The following FRMPD1 variants were observed in gnomAD, a reference collection of about 807,000 sequenced individuals.
FRMPD1 encodes the protein FERM and PDZ domain containing 1.
In FRMPD1, 76 loss-of-function variants were observed where a neutral mutation model predicts 117.8. The observed-to-expected ratio is 0.65, with a 90% CI of 0.54 to 0.78. FRMPD1 has a LOEUF of 0.78. Among genes scored for constraint, FRMPD1 ranks in the 30% least tolerant of loss-of-function variants. FRMPD1 has a pLI of 0.00. For missense variants in FRMPD1, 1,786 were observed against 1,964.5 expected (o/e 0.91, Z 1.72); for synonymous variants, 783 against 770.4 (o/e 1.02, Z -0.27).
intron 1 of FRMPD1, among the ~76,000 whole-genome samples, chr9:37,663,390 C>A (rs1436706308): frequency 6.6e-6 from 1 of 152,082 alleles, no homozygotes; most frequent in Non-Finnish European, 1.5e-5. Context: ...GGGGAGGGGG[C>A]TGATCAGCAG....
chr9:37,743,081 T>C (rs756080544), intron 15 of FRMPD1, among the ~76,000 whole-genome samples: 9 of 152,234 alleles, frequency 5.9e-5, no homozygotes, highest in Non-Finnish European at 1.2e-4. Flanking sequence ...TGCTAGGCTC[T>C]GATCCTAATT....
the FRMPD1 span, among the ~76,000 whole-genome samples, chr9:37,643,353 A>G: frequency 1.3e-5 from 2 of 152,050 alleles, no homozygotes; most frequent in Admixed American, 6.6e-5. Context: ...TATTTCATCA[A>G]TGTTTTAAAA....
intron 2 of FRMPD1, among the ~76,000 whole-genome samples, chr9:37,701,616 G>C (rs1563938735): frequency 6.6e-6 from 1 of 152,008 alleles, no homozygotes; most frequent in South Asian, 2.1e-4. Flanking sequence ...GGAACTTAGA[G>C]TAGGCTAGTT....
rs572131587 is a variant in FRMPD1 at position 37,667,258 on chromosome 9, G to T, written c.-5+16164G>T. ...TTCTTGTATTTTCAGTAAAGACAGG[G>T]TCTCACCATGTTGGCCAGGCTGGTC... On this transcript the variant is annotated intron_variant, in intron 1 of 15. Transcript: ENST00000377765. Among the ~76,000 whole-genome samples, 11 of 151,020 alleles carry T rather than the reference G, an allele frequency of 7.3e-5. No individual in the cohort carries two copies. In the South Asian group the frequency reaches 2.3e-3, roughly 32 times the overall value.
the FRMPD1 span, among the ~76,000 whole-genome samples, chr9:37,610,545 CAT>C: frequency 1.3e-5 from 2 of 151,366 alleles, no homozygotes; most frequent in Non-Finnish European, 2.9e-5. Context: ...TTTATCATAT[CAT>C]ATATGTTAGA....
chr9:37,642,018 C>T, the FRMPD1 span, among the ~76,000 whole-genome samples: 1 of 152,180 alleles, frequency 6.6e-6, no homozygotes, highest in South Asian at 2.1e-4. Context: ...GTAGGACAGG[C>T]CCTTTGCTCT....
At chr9:37,615,829 T>C in the FRMPD1 span, among the ~76,000 whole-genome samples, 1 of 152,120 alleles carries the variant, frequency 6.6e-6, no homozygotes, top group Admixed American at 6.5e-5. Context: ...TTTTTTTTTT[T>C]TGAGACAGAG....
chr9:37,687,676 G>T (rs984817483), intron 1 of FRMPD1, among the ~76,000 whole-genome samples: 15 of 152,082 alleles, frequency 9.9e-5, no homozygotes, highest in Non-Finnish European at 5.9e-5. Context: ...TGTGTTCTTG[G>T]CAAAGGAACA....
intron 2 of FRMPD1, among the ~76,000 whole-genome samples, chr9:37,699,113 C>T (rs1230766318): frequency 6.6e-6 from 1 of 152,058 alleles, no homozygotes; most frequent in Non-Finnish European, 1.5e-5. Flanking sequence ...CTCAAGTGAT[C>T]CACTGGCCTC....
chr9:37,713,977 G>GTTGTCT (rs1306060279), intron 5 of FRMPD1, among the ~76,000 whole-genome samples: 1 of 152,154 alleles, frequency 6.6e-6, no homozygotes, highest in East Asian at 1.9e-4. Context: ...CAGAGAAAGT[G>GTTGTCT]TTGTCTCCTC....
At chr9:37,643,735 G>C in the FRMPD1 span, among the ~76,000 whole-genome samples, 1 of 152,100 alleles carries the variant, frequency 6.6e-6, no homozygotes, top group Non-Finnish European at 1.5e-5. Context: ...TCCACAAGTG[G>C]GTAAGTTGGG....
intron 2 of FRMPD1, among the ~76,000 whole-genome samples, chr9:37,696,315 T>C (rs1034276655): frequency 1.3e-5 from 2 of 152,076 alleles, no homozygotes; most frequent in Admixed American, 6.6e-5. Flanking sequence ...TATATATATA[T>C]TTATTTACCT....
the FRMPD1 span, among the ~76,000 whole-genome samples, chr9:37,631,443 A>G: frequency 1.3e-5 from 2 of 152,226 alleles, no homozygotes; most frequent in African/African-American, 4.8e-5. Context: ...GATGAGTTAG[A>G]TAGCTTTTAT....
At chr9:37,721,077 G>A (rs1823379661) in intron 6 of FRMPD1, among the ~76,000 whole-genome samples, 1 of 152,158 alleles carries the variant, frequency 6.6e-6, no homozygotes, top group African/African-American at 2.4e-5. Context: ...ATGCTGAGGG[G>A]ACCAGATAAG....
intron 7 of FRMPD1, among the ~76,000 whole-genome samples, chr9:37,728,760 C>T (rs1033964002): frequency 7.9e-5 from 12 of 151,868 alleles, no homozygotes; most frequent in Non-Finnish European, 1.6e-4. Context: ...GTCGGGAGTT[C>T]GAGACCAGTA....
chr9:37,671,594 A>G (rs1821353444), intron 1 of FRMPD1, among the ~76,000 whole-genome samples: 1 of 152,226 alleles, frequency 6.6e-6, no homozygotes, highest in Non-Finnish European at 1.5e-5. Context: ...GAGAGGGAAA[A>G]TACTGGGTAC....
intron 1 of FRMPD1, among the ~76,000 whole-genome samples, chr9:37,687,657 A>G (rs952983765): frequency 6.6e-6 from 1 of 152,226 alleles, no homozygotes; most frequent in African/African-American, 2.4e-5. Context: ...AAGAAATATG[A>G]TGTTATTTTG....
chr9:37,620,696 T>C, the FRMPD1 span, among the ~76,000 whole-genome samples: 1 of 152,208 alleles, frequency 6.6e-6, no homozygotes. Flanking sequence ...TGTATTTATA[T>C]GCTATAGAAA....
chr9:37,617,054 C>T, the FRMPD1 span, among the ~76,000 whole-genome samples: 5 of 152,354 alleles, frequency 3.3e-5, no homozygotes, highest in Non-Finnish European at 7.4e-5. Flanking sequence ...TTATTGAGCA[C>T]CCACACTATG....
Sources: gnomAD v4.1 joint callset for allele counts (sites outside exome capture counted in the v4.1 genomes callset) on GRCh38, gnomAD v4.1.1 for gene constraint, MANE v1.5 for transcripts, NCBI Gene and HGNC (gene_info 2026-07-23, HGNC 2026-07-21) for gene names.